Variants in DGKI observed in about 807,000 individuals in gnomAD.
DGKI encodes the protein DAG kinase iota.
In DGKI, 55 loss-of-function variants were observed where a neutral mutation model predicts 147.5. The observed-to-expected ratio is 0.37, with a 90% CI of 0.30 to 0.47. DGKI has a LOEUF of 0.47. Among genes scored for constraint, DGKI ranks in the 20% least tolerant of loss-of-function variants. The probability of loss-of-function intolerance (pLI) is 1.00; values close to 1 mark genes in which losing one functional copy is unlikely to be tolerated. For synonymous variants in DGKI, 469 were observed against 477.1 expected (o/e 0.98, Z 0.22); for missense variants, 1,007 against 1,323.8 (o/e 0.76, Z 3.71).
intron 1 of DGKI, among the ~76,000 whole-genome samples, chr7:137,837,412 C>T (rs1024187077): frequency 6.6e-6 from 1 of 152,182 alleles, no homozygotes. Context: ...TCAGAGGCCA[C>T]TGGGAAGGAC....
intron 20 of DGKI, among the ~76,000 whole-genome samples, chr7:137,533,899 T>C (rs574749249): frequency 2.6e-5 from 4 of 152,262 alleles, no homozygotes; most frequent in Admixed American, 2.6e-4. Flanking sequence ...TGGTGAATCA[T>C]GTATAGAACT....
chr7:137,839,134 C>T (rs1798475776), intron 1 of DGKI, among the ~76,000 whole-genome samples: 1 of 152,198 alleles, frequency 6.6e-6, no homozygotes, highest in Admixed American at 6.5e-5. Flanking sequence ...TTGCTGCTAC[C>T]TGATTCCTCC....
At chr7:137,750,001 C>T (rs1280625959) in intron 1 of DGKI, among the ~76,000 whole-genome samples, 1 of 152,132 alleles carries the variant, frequency 6.6e-6, no homozygotes, top group Non-Finnish European at 1.5e-5. Context: ...ACAGGCAGAA[C>T]ATATTGTCAC....
intron 1 of DGKI, among the ~76,000 whole-genome samples, chr7:137,800,574 C>G (rs1183872196): frequency 6.6e-6 from 1 of 152,182 alleles, no homozygotes; most frequent in Non-Finnish European, 1.5e-5. Context: ...GTACAGGCTA[C>G]AGAACCATGA....
intron 6 of DGKI, among the ~76,000 whole-genome samples, chr7:137,632,475 A>G (rs141126708): frequency 2.4e-4 from 36 of 152,264 alleles, no homozygotes; most frequent in Non-Finnish European, 1.0e-4. Context: ...GAAATGTCCA[A>G]ATATTCTAAA....
chr7:137,423,292 T>C (rs531591999), intron 28 of DGKI, among the ~76,000 whole-genome samples: 1 of 152,156 alleles, frequency 6.6e-6, no homozygotes, highest in Non-Finnish European at 1.5e-5. Context: ...GCTTCAGGCG[T>C]TGGCTTTACC....
intron 1 of DGKI, among the ~76,000 whole-genome samples, chr7:137,833,217 T>C (rs1484330712): frequency 6.6e-6 from 1 of 152,146 alleles, no homozygotes; most frequent in Admixed American, 6.5e-5. Flanking sequence ...TGGTACCAAT[T>C]TACTGTATTA....
intron 1 of DGKI, among the ~76,000 whole-genome samples, chr7:137,781,501 C>T (rs937694684): frequency 6.6e-6 from 1 of 152,134 alleles, no homozygotes; most frequent in African/African-American, 2.4e-5. Context: ...TCTCTCAACC[C>T]AATTTAATGG....
intron 1 of DGKI, among the ~76,000 whole-genome samples, chr7:137,737,519 A>T (rs1795058409): frequency 6.6e-6 from 1 of 151,922 alleles, no homozygotes; most frequent in Non-Finnish European, 1.5e-5. Flanking sequence ...TATTAAAAAA[A>T]AAAAAAGTTA....
At chr7:137,837,171 C>T (rs913003677) in intron 1 of DGKI, among the ~76,000 whole-genome samples, 6 of 152,234 alleles carry the variant, frequency 3.9e-5, no homozygotes, top group African/African-American at 1.4e-4. Context: ...ATAGTCCCTA[C>T]TTAATTGACG....
chr7:137,412,317 T>C, intron 28 of DGKI, 110 bp from the exon 29 acceptor site: 1 of 1,017,468 alleles, frequency 9.8e-7, no homozygotes, highest in Non-Finnish European at 1.5e-6. Flanking sequence ...GGGGCAGGAA[T>C]CAGGGAAGGA....
intron 1 of DGKI, among the ~76,000 whole-genome samples, chr7:137,779,312 A>G (rs780592344): frequency 1.3e-5 from 2 of 152,190 alleles, no homozygotes; most frequent in African/African-American, 4.8e-5. Context: ...CTCAACCTCT[A>G]TCTTATAGCA....
Position 137,619,878 on chromosome 7 carries a change from A to C in DGKI, c.939T>G (p.Ala313=). The C allele has an allele frequency of 6.2e-7, 1 of 1,614,076 alleles. No homozygotes were observed. Among genetic ancestry groups the C allele is most frequent in the Non-Finnish European group, 8.5e-7 (1 of 1,179,980 alleles). Residue 313 remains alanine, a synonymous_variant, in exon 8 of 33, where the codon GCT becomes GCG. Transcript: ENST00000614521. The stretch of plus-strand genomic sequence containing the variant: ...TGGGCGGGACAATAACAGCAGCATG[A>C]GCCCCCAGGGAGCAGGGTTCTTCAA... The part of the protein sequence containing the change: ...HHIEEPCSLG[A]HAAVIVPPTW...
intron 27 of DGKI, among the ~76,000 whole-genome samples, chr7:137,452,031 G>C (rs535617262): frequency 1.3e-5 from 2 of 152,004 alleles, no homozygotes; most frequent in Non-Finnish European, 2.9e-5. Flanking sequence ...ATAAATATTG[G>C]GGATGCCTCT....
intron 1 of DGKI, among the ~76,000 whole-genome samples, chr7:137,802,700 T>A (rs1188923596): frequency 1.3e-5 from 2 of 152,210 alleles, no homozygotes; most frequent in African/African-American, 4.8e-5. Flanking sequence ...TTCTTATTAG[T>A]GCCAAATTAT....
intron 21 of DGKI, among the ~76,000 whole-genome samples, chr7:137,503,727 T>C (rs1816265592): frequency 6.6e-6 from 1 of 152,150 alleles, no homozygotes; most frequent in South Asian, 2.1e-4. Flanking sequence ...CTTGGTTCTT[T>C]TACAATATAG....
chr7:137,626,644 C>CA (rs112322130), intron 6 of DGKI, among the ~76,000 whole-genome samples: 25 of 151,924 alleles, frequency 1.6e-4, no homozygotes, highest in African/African-American at 5.1e-4. Context: ...TTTCAGGGAG[C>CA]AAAAAAAGGC....
intron 1 of DGKI, among the ~76,000 whole-genome samples, chr7:137,804,213 C>T (rs922196224): frequency 1.3e-5 from 2 of 152,222 alleles, no homozygotes; most frequent in African/African-American, 4.8e-5. Flanking sequence ...TCTCTTCCCC[C>T]TCTCTACTGG....
intron 6 of DGKI, among the ~76,000 whole-genome samples, chr7:137,628,161 C>A (rs572981963): frequency 6.6e-6 from 1 of 152,102 alleles, no homozygotes; most frequent in Non-Finnish European, 1.5e-5. Context: ...GTGTATCTAG[C>A]CCCACCTCGC....
Sources: allele counts gnomAD v4.1 joint callset (sites outside exome capture counted in the v4.1 genomes callset), GRCh38; gene constraint gnomAD v4.1.1; transcripts MANE v1.5; gene names NCBI Gene and HGNC (gene_info 2026-07-23, HGNC 2026-07-21).